MME: variants seen among roughly 807,000 people sequenced by gnomAD.
MME encodes membrane metalloendopeptidase.
In MME, 98 loss-of-function variants were observed where a neutral mutation model predicts 113.2. That is an observed-to-expected ratio of 0.87 (90% CI 0.74 to 1.02). The LOEUF (loss-of-function observed/expected upper bound fraction) is 1.02. Among genes scored for constraint, MME ranks in the 50% least tolerant of loss-of-function variants. The pLI is 0.00. For synonymous variants in MME, 292 were observed against 300.6 expected, an observed-to-expected ratio of 0.97 and a Z score of 0.30; for missense variants, 836 against 896.0, an observed-to-expected ratio of 0.93 and a Z score of 0.86.
intron 18 of MME, among the ~76,000 whole-genome samples, 180 bp from the exon 19 acceptor site, chr3:155,168,312 G>A (rs1429188905): frequency 6.6e-6 from 1 of 152,208 alleles, no homozygotes; most frequent in East Asian, 1.9e-4. Flanking sequence ...AGCAAAGAAA[G>A]CTCTGGCAGT....
At chr3:155,158,439 C>T (rs1465495321) in intron 16 of MME, 1 of 152,044 alleles carries the variant, frequency 6.6e-6, no homozygotes, top group South Asian at 2.1e-4. Flanking sequence ...TCAGAATTAC[C>T]TTTCAGAAGT....
chr3:155,062,812 C>T (rs1044896897), intron 1 of MME, among the ~76,000 whole-genome samples: 11 of 151,828 alleles, frequency 7.2e-5, no homozygotes, highest in Admixed American at 2.0e-4. Context: ...CCGAGGCCCA[C>T]GGATCACAAG....
chr3:155,111,112 G>T (rs1464061804), intron 3 of MME, among the ~76,000 whole-genome samples: 1 of 152,124 alleles, frequency 6.6e-6, no homozygotes, highest in Non-Finnish European at 1.5e-5. Context: ...AAACAATTAC[G>T]ACCAGTTTGA....
intron 3 of MME, chr3:155,112,387 A>G (rs1718262348): frequency 6.6e-6 from 1 of 152,222 alleles, no homozygotes; most frequent in South Asian, 2.1e-4. Context: ...GCAGAAAACC[A>G]TAAGGTGTCT....
In MME at chr3:155,054,369, T is replaced by C. The variant is rs565623604; in HGVS notation, c.-10-29789T>C. ...TGGAACATTCTTCCTCTCATGTTAC[T>C]GAGAGGAATTTTTTATTCTTCACAC... On this transcript the variant is annotated intron_variant, in intron 1 of 22. Transcript: ENST00000492661. Among the ~76,000 whole-genome samples, 7 of 152,332 alleles carry C rather than the reference T, an allele frequency of 4.6e-5. No individual in the cohort carries two copies. The East Asian group carries it at 1.2e-3, about 25-fold the overall frequency.
At chr3:155,024,262 A>G (rs561404167) in exon 1 of MME, 1 of 152,288 alleles carries the variant, frequency 6.6e-6, no homozygotes, top group African/African-American at 2.4e-5. Flanking sequence ...CTCCTCTGAA[A>G]GCTGGCCCAA....
chr3:155,042,940 G>GTATATATATATATATATATATGTA (rs57585504), intron 1 of MME, among the ~76,000 whole-genome samples: 5 of 53,578 alleles, frequency 9.3e-5, no homozygotes, highest in Non-Finnish European at 1.3e-4. Flanking sequence ...ATATATATAT[G>GTATATATATATATATATATATGTA]TATATATATA....
At chr3:155,044,371 G>A (rs1316072799) in intron 1 of MME, among the ~76,000 whole-genome samples, 1 of 151,826 alleles carries the variant, frequency 6.6e-6, no homozygotes, top group Admixed American at 6.6e-5. Context: ...GATCTCAGAC[G>A]ATCCACCTGC....
rs374057201 is a variant in MME at position 155,125,021 on chromosome 3, G to A, written c.720+6210G>A. Among the ~76,000 whole-genome samples, 159 of 151,848 alleles carry A rather than the reference G, an allele frequency of 1.0e-3. 3 individuals carry two copies. In the East Asian group the frequency reaches 0.027, roughly 26 times the overall value. On this transcript the variant is annotated intron_variant, in intron 8 of 22. Transcript: ENST00000360490. ...TGGCAGGCGCCCCTCCCCCAGCCTC[G>A]CTGCCGCCTTGCAGTTTGATCTCAG...
upstream of MME, among the ~76,000 whole-genome samples, chr3:155,078,460 C>T (rs998413207): frequency 2.6e-5 from 4 of 152,082 alleles, no homozygotes; most frequent in South Asian, 8.3e-4. Context: ...AAATGTCTCT[C>T]CATTGTATTC....
At chr3:155,073,854 T>C (rs1714660235) in intron 1 of MME, among the ~76,000 whole-genome samples, 2 of 152,290 alleles carry the variant, frequency 1.3e-5, no homozygotes, top group South Asian at 4.1e-4. Context: ...TGTTTTTCTC[T>C]TGTAAAAACG....
intron 12 of MME, among the ~76,000 whole-genome samples, 199 bp from the exon 13 acceptor site, chr3:155,143,244 A>G (rs898858451): frequency 2.6e-5 from 4 of 152,206 alleles, no homozygotes; most frequent in African/African-American, 9.6e-5. Context: ...TCTACTGAAA[A>G]TATGCCTAGT....
chr3:155,035,926 G>A (rs976821401), intron 1 of MME, among the ~76,000 whole-genome samples: 1 of 152,106 alleles, frequency 6.6e-6, no homozygotes, highest in Non-Finnish European at 1.5e-5. Context: ...AAAAGGGAAA[G>A]GGTCAAAAAT....
intron 1 of MME, among the ~76,000 whole-genome samples, chr3:155,030,004 A>G (rs1346196971): frequency 6.6e-6 from 1 of 152,154 alleles, no homozygotes; most frequent in Non-Finnish European, 1.5e-5. Context: ...CCTTTAGACT[A>G]TTGAGGCCTA....
At chr3:155,081,465 C>A (rs957364164) in intron 1 of MME, 4 of 152,108 alleles carry the variant, frequency 2.6e-5, no homozygotes, top group African/African-American at 7.2e-5. Flanking sequence ...TATCTTAGAC[C>A]TCCTAATTCT....
At chr3:155,076,678 A>G (rs953134679), upstream of MME, among the ~76,000 whole-genome samples, 111 of 152,218 alleles carry the variant, frequency 7.3e-4, no homozygotes, top group Middle Eastern at 3.2e-3. Context: ...AGGCGGCTTG[A>G]CTGAGTAAAC....
In MME at chr3:155,030,869, G is replaced by GA. The variant is rs1242107825; in HGVS notation, c.-11+6549dup. Among the ~76,000 whole-genome samples, 3 of 152,272 alleles carry GA rather than the reference G, an allele frequency of 2.0e-5. No homozygotes were observed. The South Asian group carries it at 6.2e-4, about 32-fold the overall frequency. ...CCCCACAGATGGAGAGACCGGATGT[G>GA]AAAATCTGTCCATGGAAGAGGAAAA... On this transcript the variant is annotated intron_variant, in intron 1 of 22. Coordinates refer to the MME transcript ENST00000492661.
rs562875004 is a variant in MME at position 155,050,345 on chromosome 3, T to C, written c.-11+26021T>C. Among the ~76,000 whole-genome samples the C allele has an allele frequency of 3.3e-5, 5 of 152,324 alleles. 1 individual carries two copies. In the East Asian group the frequency reaches 9.6e-4, roughly 29 times the overall value. On this transcript the variant is annotated intron_variant, in intron 1 of 22. Coordinates refer to the MME transcript ENST00000492661. ...AATAATCTATATTCCTTTGGTTATA[T>C]ACCCAATAATGGGATTGCTGGATTG...
At chr3:155,150,018 T>G (rs530553425) in intron 16 of MME, among the ~76,000 whole-genome samples, 44 of 152,330 alleles carry the variant, frequency 2.9e-4, no homozygotes, top group African/African-American at 1.0e-3. Flanking sequence ...CAAAAAGTTA[T>G]GCAAAATAAT....
Sources: allele counts gnomAD v4.1 joint callset (sites outside exome capture counted in the v4.1 genomes callset), GRCh38; gene constraint gnomAD v4.1.1; transcripts MANE v1.5; gene names NCBI Gene and HGNC (gene_info 2026-07-23, HGNC 2026-07-21).